SBF2: variants seen among roughly 807,000 people sequenced by gnomAD.
The protein encoded by SBF2 is myotubularin-related protein 13.
A neutral mutation model predicts 225.2 loss-of-function variants in SBF2; 112 were observed. The ratio of observed to expected loss-of-function variants is 0.50; its 90% CI spans 0.43 to 0.58. SBF2 has a LOEUF of 0.58. Ranked by LOEUF, SBF2 falls within the 20% of genes least tolerant of loss-of-function variation. The pLI, the probability that SBF2 is intolerant of heterozygous loss-of-function variation, is 0.00. For synonymous variants in SBF2, 763 were observed against 773.3 expected (o/e 0.99, Z 0.22); for missense variants, 1,996 against 2,206.2 (o/e 0.90, Z 1.91).
chr11:9,962,030 A>C lies in SBF2; in HGVS notation c.1787T>G (p.Val596Gly), dbSNP rs1247772632. The C allele has an allele frequency of 6.2e-7, 1 of 1,613,912 alleles. No individual in the cohort carries two copies. The highest frequency in any genetic ancestry group is 8.5e-7 in the Non-Finnish European group (1 of 1,179,796). The change falls in exon 16 of 40, where the codon GTC (valine) becomes GGC (glycine). Residue 596 changes from valine (V) to glycine (G), a missense_variant. Transcript: ENST00000256190. Reference sequence around the variant, plus strand: ...GTCTAATATTGCCCGGTTTTGCTGGACATGCAAACCCAATTCATCAGTGAG... The same window carrying C: ...GTCTAATATTGCCCGGTTTTGCTGGCCATGCAAACCCAATTCATCAGTGAG... ...QCLTDELGLH[V>G]QQNRAILDHQ...
At position 10,248,051 on chromosome 11, in the gene SBF2, T is replaced by C. The variant is rs114519729; in HGVS notation, c.55+45964A>G. ...AAGTTTGTTAAATGGTCTAAGGTCA[T>C]AAGCTGCTTCTTTGACTTTTAAAAA... is the stretch of plus-strand genomic sequence containing the variant. On this transcript the variant is annotated intron_variant, in intron 1 of 39. Transcript: ENST00000256190. 7.8e-3 allele frequency among the ~76,000 whole-genome samples: 1,181 copies of C among 152,370 alleles called. 11 individuals are homozygous for C. The highest frequency in any genetic ancestry group is 0.027 in the African/African-American group (1,111 of 41,588).
chr11:9,968,242 G>T, intron 14 of SBF2, 99 bp downstream of exon 14: 1 of 1,046,564 alleles, frequency 9.6e-7, no homozygotes, highest in Non-Finnish European at 1.5e-6. Flanking sequence ...ACAGGAGTTT[G>T]TTCACTTTGT....
chr11:10,200,054 G>C (rs912328822), intron 1 of SBF2, among the ~76,000 whole-genome samples: 2 of 152,238 alleles, frequency 1.3e-5, no homozygotes, highest in Non-Finnish European at 2.9e-5. Flanking sequence ...AAGACTGCTT[G>C]AGCTGAAAAA....
intron 29 of SBF2, 67 bp from the exon 30 acceptor site, chr11:9,812,775 G>C (rs1854261460): frequency 6.6e-7 from 1 of 1,522,326 alleles, no homozygotes; most frequent in African/African-American, 1.4e-5. Flanking sequence ...TGTTTCCAAT[G>C]GGGCAGTGCA....
At position 10,225,409 on chromosome 11, in the gene SBF2, T is replaced by TA. The variant is rs1318859558; in HGVS notation, c.56-31423dup. ...GCATTTTGAAAACCCAATTTCCTAT[T>TA]AAAAAAAAAAACCCGTCGTCTAAGT... On this transcript the variant is annotated intron_variant, in intron 1 of 39. Transcript: ENST00000256190. Among the ~76,000 whole-genome samples, 210 of 146,972 alleles carry TA rather than the reference T, an allele frequency of 1.4e-3. 1 individual carries two copies. The highest frequency in any genetic ancestry group is 4.2e-3 in the African/African-American group (168 of 40,258).
intron 1 of SBF2, among the ~76,000 whole-genome samples, chr11:10,249,032 C>T (rs1035942807): frequency 1.1e-4 from 17 of 151,630 alleles, no homozygotes; most frequent in Non-Finnish European, 1.0e-4. Context: ...GCAGGCAGAG[C>T]TTGTAGTGAG....
intron 2 of SBF2, among the ~76,000 whole-genome samples, chr11:10,142,145 T>C (rs1591054629): frequency 6.6e-6 from 1 of 152,180 alleles, no homozygotes; most frequent in South Asian, 2.1e-4. Context: ...CTGAATGCTT[T>C]AGACATTTTT....
intron 2 of SBF2, among the ~76,000 whole-genome samples, chr11:10,058,318 C>A (rs1021201528): frequency 6.6e-6 from 1 of 152,094 alleles, no homozygotes; most frequent in African/African-American, 2.4e-5. Context: ...TGAAAAAGAA[C>A]CTAACAGGTC....
At chr11:10,236,450 G>T (rs193030994) in intron 1 of SBF2, among the ~76,000 whole-genome samples, 44 of 152,100 alleles carry the variant, frequency 2.9e-4, no homozygotes, top group African/African-American at 1.0e-3. Context: ...ACAACAGAGC[G>T]AGTCCGTCTC....
intron 17 of SBF2, among the ~76,000 whole-genome samples, chr11:9,883,669 C>G (rs1197930097): frequency 6.6e-6 from 1 of 152,112 alleles, no homozygotes; most frequent in Non-Finnish European, 1.5e-5. Context: ...TCCTCAAAGG[C>G]AGAGGCTAGG....
rs370065558 is a variant in SBF2 at position 9,795,820 on chromosome 11, C to T, written c.4570+11G>A. 5.0e-6 allele frequency: 8 copies of T among 1,612,868 alleles called. No individual in the cohort carries two copies. Among genetic ancestry groups the T allele is most frequent in the African/African-American group, 1.3e-5 (1 of 74,906 alleles). ...ACAAAAAAGATGAAACAAGGGCATA[C>T]AGACACATACCGTGCTCTAATCTTT... On this transcript the variant is annotated intron_variant, in intron 33 of 39. Coordinates refer to ENST00000256190, the MANE Select transcript of SBF2 (RefSeq NM_030962.4).
At chr11:9,905,565 A>G (rs1862057592) in intron 16 of SBF2, among the ~76,000 whole-genome samples, 1 of 152,232 alleles carries the variant, frequency 6.6e-6, no homozygotes, top group South Asian at 2.1e-4. Flanking sequence ...AAATAAGAAC[A>G]CATTTTAAAG....
intron 1 of SBF2, among the ~76,000 whole-genome samples, chr11:10,226,575 A>T (rs531601304): frequency 2.7e-4 from 41 of 149,934 alleles, no homozygotes; most frequent in African/African-American, 9.3e-4. Context: ...TGAGAACATG[A>T]GGTGTTTGGT....
intron 14 of SBF2, among the ~76,000 whole-genome samples, chr11:9,967,231 G>C (rs751464573): frequency 2.0e-4 from 30 of 152,082 alleles, no homozygotes; most frequent in Non-Finnish European, 3.8e-4. Context: ...AATTAGCCGG[G>C]CCTGGTGGCG....
intron 1 of SBF2, among the ~76,000 whole-genome samples, chr11:10,227,546 C>A (rs923581858): frequency 6.6e-6 from 1 of 152,182 alleles, no homozygotes; most frequent in Non-Finnish European, 1.5e-5. Context: ...ATATGACTAG[C>A]CAGTTTTCCC....
chr11:10,230,637 C>A (rs1433267342), intron 1 of SBF2, among the ~76,000 whole-genome samples: 2 of 152,174 alleles, frequency 1.3e-5, no homozygotes, highest in Non-Finnish European at 2.9e-5. Context: ...TGAATGTTGG[C>A]CCTCAGTTTC....
intron 1 of SBF2, among the ~76,000 whole-genome samples, chr11:10,282,867 G>C (rs1393238553): frequency 6.6e-6 from 1 of 151,826 alleles, no homozygotes; most frequent in African/African-American, 2.4e-5. Flanking sequence ...AAATTCTATA[G>C]CCTGATATAC....
chr11:10,141,479 C>T (rs1954642885), intron 2 of SBF2, among the ~76,000 whole-genome samples: 1 of 152,162 alleles, frequency 6.6e-6, no homozygotes, highest in African/African-American at 2.4e-5. Context: ...AAGAAAGAGG[C>T]TTGATTCCCT....
intron 1 of SBF2, among the ~76,000 whole-genome samples, chr11:10,226,257 A>G (rs1436033084): frequency 2.0e-5 from 3 of 152,242 alleles, no homozygotes; most frequent in Non-Finnish European, 4.4e-5. Flanking sequence ...GTCACAAAAC[A>G]GCATTATACT....
Sources: allele counts gnomAD v4.1 joint callset (sites outside exome capture counted in the v4.1 genomes callset), GRCh38; gene constraint gnomAD v4.1.1; transcripts MANE v1.5; gene names NCBI Gene and HGNC (gene_info 2026-07-23, HGNC 2026-07-21).